PRDM5: variants seen among roughly 807,000 people sequenced by gnomAD.
PRDM5 encodes PR domain zinc finger protein 5.
In PRDM5, 56 loss-of-function variants were observed where a neutral mutation model predicts 81.2. The observed-to-expected ratio is 0.69, with a 90% CI of 0.56 to 0.86. The LOEUF is 0.86. PRDM5 is among the 40% of genes least tolerant of loss of function. The pLI, the probability that PRDM5 is intolerant of heterozygous loss-of-function variation, is 0.00. For missense variants in PRDM5, 697 were observed against 770.1 expected (o/e 0.91, Z 1.12); for synonymous variants, 267 against 256.4 (o/e 1.04, Z -0.39).
At chr4:120,869,989 A>G (rs941297853) in intron 2 of PRDM5, among the ~76,000 whole-genome samples, 4 of 152,124 alleles carry the variant, frequency 2.6e-5, no homozygotes, top group Non-Finnish European at 5.9e-5. Flanking sequence ...ACAAAGAAAA[A>G]AAAAGAGGAG....
chr4:120,922,589 G>T lies in PRDM5; in HGVS notation c.20C>A (p.Pro7Gln). MLGMYV[P>Q]DRFSLKSSRV... Reference sequence around the variant, plus strand: ...GGAGGACTTCAGGGAGAACCTGTCCGGCACGTACATGCCCAGCATTTTCCC... The same window carrying T: ...GGAGGACTTCAGGGAGAACCTGTCCTGCACGTACATGCCCAGCATTTTCCC... The change falls in exon 1 of 16, where the codon CCG becomes CAG. Residue 7 changes from proline to glutamine, a missense_variant. Physicochemically the swap from Pro to Gln is moderately conservative, Grantham distance 76. Transcript: ENST00000264808. 7 of 1,609,328 alleles carry T rather than the reference G, an allele frequency of 4.3e-6. No homozygotes were observed. Among genetic ancestry groups the T allele is most frequent in the Non-Finnish European group, 5.9e-6 (7 of 1,178,566 alleles).
chr4:120,714,871 G>A (rs182760552), intron 14 of PRDM5, among the ~76,000 whole-genome samples: 52 of 152,276 alleles, frequency 3.4e-4, no homozygotes, highest in Admixed American at 1.5e-3. Flanking sequence ...GTTTTCTGGT[G>A]AGGCAGATAT....
intron 1 of PRDM5, among the ~76,000 whole-genome samples, chr4:120,914,039 A>G (rs1393675109): frequency 6.6e-6 from 1 of 152,174 alleles, no homozygotes; most frequent in African/African-American, 2.4e-5. Context: ...CAAGGGATAC[A>G]GCCCATACAA....
intron 14 of PRDM5, among the ~76,000 whole-genome samples, chr4:120,745,002 C>G (rs1194531368): frequency 1.3e-5 from 2 of 149,534 alleles, no homozygotes; most frequent in East Asian, 1.9e-4. Context: ...AGACCAATAT[C>G]CTTGATTAAC....
At chr4:120,764,406 C>G (rs937562368) in intron 13 of PRDM5, among the ~76,000 whole-genome samples, 1 of 152,074 alleles carries the variant, frequency 6.6e-6, no homozygotes, top group African/African-American at 2.4e-5. Context: ...CAACCTATGA[C>G]AAACTTTGAC....
chr4:120,816,850 G>A lies in PRDM5; in HGVS notation c.725C>T (p.Ser242Phe). ...RSFQCSVCNSSFSSASSFEQH... is the reference protein window; with the variant it reads ...RSFQCSVCNSFFSSASSFEQH... ...ACAAAACCTCGATGCTGAACTGAAGGAAGAATTGCAAACAGAGCACTGAAA... is the reference window on the plus strand; with the variant it reads ...ACAAAACCTCGATGCTGAACTGAAGAAAGAATTGCAAACAGAGCACTGAAA... Residue 242 changes from serine (S) to phenylalanine (F), a missense_variant, in exon 6 of 16, where the codon TCC becomes TTC. Physicochemically the swap from Ser to Phe is radical, Grantham distance 155 (BLOSUM62 -2). Around this residue, in one of 3 missense-constraint regions of PRDM5, gnomAD observed 577 missense variants for 606.7 expected, o/e 0.95. Coordinates refer to ENST00000264808, the MANE Select transcript of PRDM5 (RefSeq NM_018699.4). 1 of 1,613,834 alleles carries A rather than the reference G, an allele frequency of 6.2e-7. No individual in the cohort carries two copies. The highest frequency in any genetic ancestry group is 1.1e-5 in the South Asian group (1 of 91,080).
At chr4:120,796,812 T>C (rs982680086) in intron 10 of PRDM5, among the ~76,000 whole-genome samples, 4 of 152,180 alleles carry the variant, frequency 2.6e-5, no homozygotes, top group African/African-American at 9.7e-5. Context: ...ATGAAGTCTT[T>C]GGAAGTATCC....
chr4:120,873,956 C>T (rs1762099429), intron 2 of PRDM5, among the ~76,000 whole-genome samples: 1 of 151,872 alleles, frequency 6.6e-6, no homozygotes, highest in Admixed American at 6.6e-5. Context: ...AAATGTTTAT[C>T]CAGTTTTTTT....
chr4:120,733,820 GGAAA>G lies in PRDM5; in HGVS notation c.1623+20729_1623+20732del, dbSNP rs561192093. On this transcript the variant is annotated intron_variant, in intron 14 of 15. Transcript: ENST00000264808. The stretch of plus-strand genomic sequence containing the variant: ...ATCATACAACATGCAGTTATATTGT[GGAAA>G]GACTGAATGAATACGTGAACTAAGC... 1.3e-3 allele frequency among the ~76,000 whole-genome samples: 196 copies of G among 151,232 alleles called. 2 individuals carry two copies. Among genetic ancestry groups the G allele is most frequent in the Non-Finnish European group, 2.3e-3 (156 of 67,880 alleles).
intron 2 of PRDM5, among the ~76,000 whole-genome samples, chr4:120,906,468 T>TG (rs1765806680): frequency 6.6e-6 from 1 of 152,234 alleles, no homozygotes; most frequent in Non-Finnish European, 1.5e-5. Flanking sequence ...TTTCTTAGAA[T>TG]GAATCCCTGT....
At chr4:120,735,672 A>C (rs1368646484) in intron 14 of PRDM5, among the ~76,000 whole-genome samples, 1 of 152,102 alleles carries the variant, frequency 6.6e-6, no homozygotes, top group Non-Finnish European at 1.5e-5. Flanking sequence ...GGGAGACCAA[A>C]TGGAGACTAG....
At chr4:120,733,924 A>C (rs1190321629) in intron 14 of PRDM5, among the ~76,000 whole-genome samples, 2 of 151,834 alleles carry the variant, frequency 1.3e-5, no homozygotes, top group Non-Finnish European at 2.9e-5. Context: ...AACTGGGCTA[A>C]TATAATTAAT....
At chr4:120,866,490 T>G (rs1038288710) in intron 2 of PRDM5, among the ~76,000 whole-genome samples, 17 of 152,350 alleles carry the variant, frequency 1.1e-4, no homozygotes, top group African/African-American at 4.1e-4. Context: ...ATTGAGTGTT[T>G]ATTATGTGCC....
intron 2 of PRDM5, among the ~76,000 whole-genome samples, chr4:120,890,272 A>G (rs343170): frequency 0.18 from 27,265 of 151,988 alleles, 3,179 homozygotes; most frequent in African/African-American, 0.32. Context: ...AGTAGGGGGA[A>G]TTGTTACACA....
intron 3 of PRDM5, among the ~76,000 whole-genome samples, chr4:120,823,564 A>G (rs1055648060): frequency 1.3e-5 from 2 of 152,214 alleles, no homozygotes; most frequent in Middle Eastern, 3.2e-3. Flanking sequence ...CAATACTATT[A>G]AGAAGTATCC....
chr4:120,744,180 A>G (rs1320715707), intron 14 of PRDM5, among the ~76,000 whole-genome samples: 2 of 152,058 alleles, frequency 1.3e-5, no homozygotes, highest in African/African-American at 4.8e-5. Context: ...CTGAATGACT[A>G]CTGGGTACAT....
At chr4:120,890,473 G>A (rs1407932322) in intron 2 of PRDM5, among the ~76,000 whole-genome samples, 2 of 152,044 alleles carry the variant, frequency 1.3e-5, no homozygotes, top group Non-Finnish European at 2.9e-5. Context: ...AATTTCTTTG[G>A]GTATACACCC....
chr4:120,857,188 T>C (rs1395207778), intron 2 of PRDM5, among the ~76,000 whole-genome samples: 1 of 152,016 alleles, frequency 6.6e-6, no homozygotes, highest in East Asian at 1.9e-4. Context: ...TAAAACCCCA[T>C]CTCTATTAAA....
At chr4:120,889,359 G>T (rs552239218) in intron 2 of PRDM5, among the ~76,000 whole-genome samples, 1 of 151,820 alleles carries the variant, frequency 6.6e-6, no homozygotes, top group African/African-American at 2.4e-5. Flanking sequence ...TATTTTTGTC[G>T]ACAACAGTTT....
Sources: allele counts gnomAD v4.1 joint callset (sites outside exome capture counted in the v4.1 genomes callset), GRCh38; gene constraint gnomAD v4.1.1; regional missense constraint gnomAD v4.1.1; transcripts MANE v1.5; gene names NCBI Gene and HGNC (gene_info 2026-07-23, HGNC 2026-07-21).